The following TRIM24 variants were observed in gnomAD, a reference collection of about 807,000 sequenced individuals.
TRIM24 encodes the protein transcription intermediary factor 1-alpha.
In TRIM24, 29 loss-of-function variants were observed where a neutral mutation model predicts 123.9. That is an observed-to-expected ratio of 0.23 (90% CI 0.17 to 0.32). TRIM24 has a LOEUF of 0.32. Ranked by LOEUF, TRIM24 falls within the 10% of genes least tolerant of loss-of-function variation. The pLI, the probability that TRIM24 is intolerant of heterozygous loss-of-function variation, is 1.00. For missense variants in TRIM24, 932 were observed against 1,295.3 expected (o/e 0.72, Z 4.31); for synonymous variants, 456 against 461.1 (o/e 0.99, Z 0.14).
At chr7:138,572,941 A>AGTAAT in intron 11 of TRIM24, among the ~76,000 whole-genome samples, 1 of 152,358 alleles carries the variant, frequency 6.6e-6, no homozygotes, top group South Asian at 2.1e-4. Context: ...ACAAAACAAC[A>AGTAAT]GTAATGTATT....
intron 1 of TRIM24, among the ~76,000 whole-genome samples, chr7:138,501,957 T>C: frequency 6.6e-6 from 1 of 152,106 alleles, no homozygotes; most frequent in African/African-American, 2.4e-5. Flanking sequence ...TACTGTGTAA[T>C]ATGTAGTGCT....
chr7:138,579,109 C>A, intron 14 of TRIM24, 95 bp from the exon 15 acceptor site: 1 of 994,310 alleles, frequency 1.0e-6, no homozygotes, highest in Non-Finnish European at 1.5e-6. Context: ...TTTGAAGCAG[C>A]CAGGTGCTCA....
chr7:138,584,009 G>C lies in TRIM24; in HGVS notation c.2943+10G>C. On this transcript the variant is annotated intron_variant, in intron 18 of 18. Transcript: ENST00000343526. The stretch of plus-strand genomic sequence containing the variant: ...TGCTGAATTCAATGAGGTGAGGCTA[G>C]GGGAGGGAAGGGGGCAGGAAGGAAC... 1 of 1,594,666 alleles carries C rather than the reference G, an allele frequency of 6.3e-7. No individual in the cohort carries two copies. Among genetic ancestry groups the C allele is most frequent in the South Asian group, 1.2e-5 (1 of 85,572 alleles).
chr7:138,520,552 A>G (rs1796485809), intron 4 of TRIM24, among the ~76,000 whole-genome samples: 1 of 152,118 alleles, frequency 6.6e-6, no homozygotes, highest in African/African-American at 2.4e-5. Flanking sequence ...TAGCTGGGCA[A>G]AGTGGTGTGT....
intron 15 of TRIM24, among the ~76,000 whole-genome samples, chr7:138,580,320 A>AT (rs1797866405): frequency 6.6e-6 from 1 of 152,080 alleles, no homozygotes; most frequent in Non-Finnish European, 1.5e-5. Flanking sequence ...TTTTTTCAAT[A>AT]TATGTATCTC....
chr7:138,467,535 G>C (rs779007583), intron 1 of TRIM24, among the ~76,000 whole-genome samples: 1 of 152,092 alleles, frequency 6.6e-6, no homozygotes, highest in Non-Finnish European at 1.5e-5. Flanking sequence ...TAGAGACGGG[G>C]TTTCACCATG....
Position 138,460,438 on chromosome 7 carries a change from C to T in TRIM24, c.-111C>T. ...TTTCCCTCCCTCGCTGGCGCTGCCGCGAGTCCACCGAGCGGCCTCTGAGGA... is the reference window on the plus strand; with the variant it reads ...TTTCCCTCCCTCGCTGGCGCTGCCGTGAGTCCACCGAGCGGCCTCTGAGGA... On this transcript the variant is annotated 5_prime_UTR_variant, in exon 1 of 19. Transcript: ENST00000343526. 1 of 1,141,874 alleles carries T rather than the reference C, an allele frequency of 8.8e-7. No homozygotes were observed. The highest frequency in any genetic ancestry group is 1.1e-6 in the Non-Finnish European group (1 of 903,580). 70.7% of individuals were successfully genotyped at this position (1,141,874 alleles called of 1,614,324 possible).
chr7:138,554,547 G>T lies in TRIM24; in HGVS notation c.1262-151G>T. On this transcript the variant is annotated intron_variant, in intron 8 of 18. Transcript: ENST00000343526. The surrounding 1 kb of genome is among the most constrained non-coding windows in gnomAD (Gnocchi z 4.5). ...ACTAGAAGTTAGATGAACAAAAGCT[G>T]TTTGGGGGTTCTCTTTCAGAGTGTT... The T allele has an allele frequency of 1.6e-6, 1 of 638,758 alleles. No homozygotes were observed. The allele number at this position is 638,758 out of a possible 1,614,324, so 39.6% of individuals were successfully genotyped here.
At chr7:138,524,595 AACTT>A (rs1030487287) in intron 4 of TRIM24, among the ~76,000 whole-genome samples, 3 of 152,158 alleles carry the variant, frequency 2.0e-5, no homozygotes, top group Non-Finnish European at 2.9e-5. Context: ...TTTATAGAAA[AACTT>A]AAATAAAATT....
At chr7:138,572,155 G>A (rs1797670712) in intron 11 of TRIM24, among the ~76,000 whole-genome samples, 1 of 152,106 alleles carries the variant, frequency 6.6e-6, no homozygotes, top group Non-Finnish European at 1.5e-5. Context: ...AATCTTACCA[G>A]AGTCATTCCA....
At chr7:138,508,694 C>CGTGT (rs1554436629) in intron 2 of TRIM24, among the ~76,000 whole-genome samples, 1 of 30,632 alleles carries the variant, frequency 3.3e-5, no homozygotes, top group Non-Finnish European at 8.4e-5. Flanking sequence ...TGTGTGTGTG[C>CGTGT]GCGCGCGTGT....
At chr7:138,537,746 A>G (rs1458002676) in intron 6 of TRIM24, among the ~76,000 whole-genome samples, 1 of 152,166 alleles carries the variant, frequency 6.6e-6, no homozygotes, top group African/African-American at 2.4e-5. Flanking sequence ...GACAACTACC[A>G]TTTCCTCCTT....
At chr7:138,577,715 T>G in intron 14 of TRIM24, 127 bp downstream of exon 14, 1 of 780,552 alleles carries the variant, frequency 1.3e-6, no homozygotes, top group East Asian at 3.4e-5. Flanking sequence ...TTTGAGGGAA[T>G]CTCTCAGTAA....
chr7:138,574,043 G>A (rs919928764), intron 12 of TRIM24, among the ~76,000 whole-genome samples: 3 of 152,208 alleles, frequency 2.0e-5, no homozygotes, highest in African/African-American at 7.2e-5. Context: ...AAAGCTTTGG[G>A]ATTACAGGCA....
chr7:138,470,403 G>A (rs1015758505), intron 1 of TRIM24, among the ~76,000 whole-genome samples: 4 of 152,134 alleles, frequency 2.6e-5, no homozygotes, highest in South Asian at 2.1e-4. Flanking sequence ...TTACAGATGC[G>A]AGCCATCGCG....
At chr7:138,501,333 C>T (rs1272940958) in intron 1 of TRIM24, among the ~76,000 whole-genome samples, 1 of 152,030 alleles carries the variant, frequency 6.6e-6, no homozygotes, top group African/African-American at 2.4e-5. Flanking sequence ...GGGGTTCAAG[C>T]AGTTCTCCTG....
chr7:138,504,445 C>CTAT, intron 2 of TRIM24, 37 bp downstream of exon 2: 3 of 311,378 alleles, frequency 9.6e-6, no homozygotes, highest in Non-Finnish European at 1.5e-5. Flanking sequence ...TGCCTGCCAG[C>CTAT]TCTTTTTTTT....
intron 1 of TRIM24, among the ~76,000 whole-genome samples, chr7:138,492,173 G>A (rs1484989530): frequency 6.7e-6 from 1 of 149,192 alleles, no homozygotes; most frequent in Non-Finnish European, 1.5e-5. Context: ...TCAGGAGGCT[G>A]AGGCAAGAGG....
At chr7:138,532,612 G>A (rs545239271) in intron 6 of TRIM24, among the ~76,000 whole-genome samples, 1 of 152,274 alleles carries the variant, frequency 6.6e-6, no homozygotes, top group East Asian at 1.9e-4. Flanking sequence ...TTTGGTTACT[G>A]TAGCCTTGTA....
Sources: allele counts gnomAD v4.1 joint callset (sites outside exome capture counted in the v4.1 genomes callset), GRCh38; gene constraint gnomAD v4.1.1; non-coding constraint Gnocchi (gnomAD v3.1); transcripts MANE v1.5; gene names NCBI Gene and HGNC (gene_info 2026-07-23, HGNC 2026-07-21).